Variants in GABRP observed in about 807,000 individuals in gnomAD.
The protein encoded by GABRP is gamma-aminobutyric acid receptor subunit pi.
Under a neutral mutation model 47.8 loss-of-function variants are expected in GABRP, and 52 were observed. The observed-to-expected ratio is 1.09, with a 90% CI of 0.87 to 1.37. The LOEUF is 1.37. GABRP is among the 40% of genes most tolerant of loss of function. GABRP has a pLI of 0.00. For synonymous variants in GABRP, 221 were observed against 205.8 expected, an observed-to-expected ratio of 1.07 and a Z score of -0.63; for missense variants, 525 against 542.8, an observed-to-expected ratio of 0.97 and a Z score of 0.33.
At chr5:170,808,849 T>G (rs1765807031) in intron 8 of GABRP, 97 bp downstream of exon 8, 7 of 1,015,144 alleles carry the variant, frequency 6.9e-6, no homozygotes, top group Non-Finnish European at 1.0e-5. Flanking sequence ...CCTAAGGCAG[T>G]TCCAAGAGTT....
rs1022539177 is a variant in GABRP at position 170,813,205 on chromosome 5, C to T, written c.*947C>T. Reference sequence around the variant, plus strand: ...AAAGTACTGGGTTGACTCAGAGAGTCGCTGTCATTCTGTCATTGCTGCTAC... The same window carrying T: ...AAAGTACTGGGTTGACTCAGAGAGTTGCTGTCATTCTGTCATTGCTGCTAC... On this transcript the variant is annotated 3_prime_UTR_variant, in exon 10 of 10. Coordinates refer to ENST00000265294, the MANE Select transcript of GABRP (RefSeq NM_014211.3). 1 of 152,142 alleles carries T rather than the reference C, an allele frequency of 6.6e-6. No individual in the cohort carries two copies. Among genetic ancestry groups the T allele is most frequent in the Non-Finnish European group, 1.5e-5 (1 of 68,034 alleles). 9.4% of individuals were successfully genotyped at this position (152,142 alleles called of 1,614,324 possible).
In GABRP at chr5:170,795,440, G is replaced by A; in HGVS notation, c.458+15G>A. The A allele has an allele frequency of 6.2e-7, 1 of 1,605,580 alleles. No individual in the cohort carries two copies. The highest frequency in any genetic ancestry group is 8.5e-7 in the Non-Finnish European group (1 of 1,172,352). On this transcript the variant is annotated intron_variant, in intron 5 of 9. Transcript: ENST00000265294. ...TATGCCCTCAGGTACGCGGACACCT[G>A]TGACCTCAGGGGTGGAGGACGGCAG...
At chr5:170,786,123 T>G (rs1312969149) in intron 1 of GABRP, among the ~76,000 whole-genome samples, 2 of 152,168 alleles carry the variant, frequency 1.3e-5, no homozygotes, top group African/African-American at 4.8e-5. Flanking sequence ...GTGGTGCTTT[T>G]CACATGCCTG....
intron 9 of GABRP, among the ~76,000 whole-genome samples, chr5:170,810,907 A>T (rs75711338): frequency 1.8e-3 from 269 of 152,058 alleles, no homozygotes; most frequent in African/African-American, 6.4e-3. Flanking sequence ...CTTATGAGGG[A>T]GGAAGGAAGT....
At chr5:170,784,555 G>A (rs1016332468) in intron 1 of GABRP, among the ~76,000 whole-genome samples, 3 of 152,102 alleles carry the variant, frequency 2.0e-5, no homozygotes, top group African/African-American at 7.2e-5. Flanking sequence ...TTAATGCCCT[G>A]TGCCTGACCC....
chr5:170,805,845 A>G lies in GABRP; in HGVS notation c.671A>G (p.Gln224Arg), dbSNP rs758547993. Reference sequence around the variant, plus strand: ...TTCACCTTAGTCACCAGATCGCAGCAGGAGACAGGTAACTCATGTGACAAA... The same window carrying G: ...TTCACCTTAGTCACCAGATCGCAGCGGGAGACAGGTAACTCATGTGACAAA... ...RYFTLVTRSQ[Q>R]ETGNYTRLVL... The change falls in exon 7 of 10, where the codon CAG becomes CGG. Residue 224 changes from glutamine (Q) to arginine (R), a missense_variant. Gln to Arg is a conservative substitution (Grantham distance 43, BLOSUM62 1). Coordinates refer to ENST00000265294, the MANE Select transcript of GABRP (RefSeq NM_014211.3). 1 of 1,614,038 alleles carries G rather than the reference A, an allele frequency of 6.2e-7. No individual in the cohort carries two copies. Among genetic ancestry groups the G allele is most frequent in the South Asian group, 1.1e-5 (1 of 91,042 alleles).
In GABRP at chr5:170,808,674, C is replaced by G. The variant is rs757811233; in HGVS notation, c.754C>G (p.Pro252Ala). ...GTATTTCATTTTGGAAACCTACGTTCCTTCCACTTTCCTGGTGGTGTTGTC... is the reference window on the plus strand; with the variant it reads ...GTATTTCATTTTGGAAACCTACGTTGCTTCCACTTTCCTGGTGGTGTTGTC... ...VLYFILETYV[P>A]STFLVVLSWV... The change falls in exon 8 of 10, where the codon CCT becomes GCT. Residue 252 changes from proline (P) to alanine (A), a missense_variant. Coordinates refer to ENST00000265294, the MANE Select transcript of GABRP (RefSeq NM_014211.3). 2 of 1,613,866 alleles carry G rather than the reference C, an allele frequency of 1.2e-6. No homozygotes were observed. The highest frequency in any genetic ancestry group is 1.7e-5 in the Admixed American group (1 of 60,008).
In GABRP at chr5:170,794,286, A is replaced by G. The variant is rs748516668; in HGVS notation, c.228A>G (p.Ser76=). 2.5e-5 allele frequency: 40 copies of G among 1,609,562 alleles called. No individual in the cohort carries two copies. Among genetic ancestry groups the G allele is most frequent in the African/African-American group, 4.0e-5 (3 of 74,518 alleles). ...ACATTGCAAGTATCTCTAGCATTTC[A>G]GAGAGTAACATGGTAAGCGCTGTTC... ...TLDIASISSI[S]ESNMDYTATI... Residue 76 remains serine (S), a synonymous_variant, in exon 4 of 10, where the codon TCA becomes TCG. Transcript: ENST00000265294.
upstream of GABRP, among the ~76,000 whole-genome samples, chr5:170,783,096 G>C (rs1472247335): frequency 6.6e-6 from 1 of 152,142 alleles, no homozygotes; most frequent in Non-Finnish European, 1.5e-5. Context: ...AGCAGGATGG[G>C]GGAAGGTGGA....
Position 170,790,103 on chromosome 5 carries a change from C to G in GABRP, c.172+856C>G, listed in dbSNP as rs112112125. 2.2e-3 allele frequency among the ~76,000 whole-genome samples: 339 copies of G among 152,254 alleles called. 1 individual carries two copies. Among genetic ancestry groups the G allele is most frequent in the African/African-American group, 7.4e-3 (308 of 41,530 alleles). ...AGTCTGACTTCATTTCCCTCACTAT[C>G]CCCCATAGAAGCTCAGTGCGTGACA... On this transcript the variant is annotated intron_variant, in intron 3 of 9. Transcript: ENST00000265294.
Position 170,812,161 on chromosome 5 carries a change from A to G in GABRP, c.1226A>G (p.Gln409Arg). ...AGGATTGTTGATTATTTCACAATTC[A>G]AAACCCCAGTAATGTTGATCACTAT... ...MGRIVDYFTI[Q>R]NPSNVDHYSK... The change falls in exon 10 of 10, where the codon CAA becomes CGA. Residue 409 changes from glutamine to arginine, a missense_variant. Coordinates refer to ENST00000265294, the MANE Select transcript of GABRP (RefSeq NM_014211.3). The G allele has an allele frequency of 1.9e-6, 3 of 1,614,070 alleles. No homozygotes were observed. The highest frequency in any genetic ancestry group is 1.7e-6 in the Non-Finnish European group (2 of 1,179,976).
At position 170,795,352 on chromosome 5, in the gene GABRP, T is replaced by C; in HGVS notation, c.385T>C (p.Phe129Leu). 1 of 1,614,090 alleles carries C rather than the reference T, an allele frequency of 6.2e-7. No individual in the cohort carries two copies. The highest frequency in any genetic ancestry group is 8.5e-7 in the Non-Finnish European group (1 of 1,180,012). The change falls in exon 5 of 10, where the codon TTC becomes CTC. Residue 129 changes from phenylalanine (F) to leucine (L), a missense_variant. Coordinates refer to ENST00000265294, the MANE Select transcript of GABRP (RefSeq NM_014211.3). ...TTACATTGTGGAGTCCAAGAAGTCC[T>C]TCCTCCATGAAGTCACTGTGGGAAA... ...DTYIVESKKS[F>L]LHEVTVGNRL...
At chr5:170,809,920 C>G (rs1170627612) in intron 9 of GABRP, 165 bp downstream of exon 9, 1 of 721,302 alleles carries the variant, frequency 1.4e-6, no homozygotes, top group Non-Finnish European at 2.5e-6. Context: ...GTCATGGTGC[C>G]CCTTGAAAAA....
intron 6 of GABRP, among the ~76,000 whole-genome samples, chr5:170,801,855 T>TG (rs11286876): frequency 0.01 from 1,435 of 142,200 alleles, 13 homozygotes; most frequent in East Asian, 0.02. Context: ...TGAAAAGTAA[T>TG]GGGGGGGGGG....
rs190950426 is a variant in GABRP, at chr5:170,805,770, T to C, written c.596T>C (p.Val199Ala). ...EFTWLRGNDS[V>A]RGLEHLRLAQ... ...ACCTGGCTGAGAGGGAACGACTCTG[T>C]GCGTGGACTGGAACACCTGCGGCTT... Residue 199 changes from valine (V) to alanine (A), a missense_variant, in exon 7 of 10, where the codon GTG (valine) becomes GCG (alanine). Physicochemically the swap from Val to Ala is moderately conservative, Grantham distance 64 (BLOSUM62 0). Coordinates refer to ENST00000265294, the MANE Select transcript of GABRP (RefSeq NM_014211.3). 3.7e-6 allele frequency: 6 copies of C among 1,614,186 alleles called. No individual in the cohort carries two copies. In the Admixed American group the frequency reaches 8.3e-5, roughly 22 times the overall value.
rs139832992 is a variant in GABRP, at chr5:170,789,166, G to C, written c.91G>C (p.Gly31Arg). Residue 31 changes from glycine (G) to arginine (R), a missense_variant, in exon 3 of 10, where the codon GGC becomes CGC. Coordinates refer to ENST00000265294, the MANE Select transcript of GABRP (RefSeq NM_014211.3). ...GGGGAGTCAGTTCAACGTCGAGGTCGGCAGAAGTGACAAGCTTTCCCTGCC... is the reference window on the plus strand; with the variant it reads ...GGGGAGTCAGTTCAACGTCGAGGTCCGCAGAAGTGACAAGCTTTCCCTGCC... ...IQGSQFNVEV[G>R]RSDKLSLPGF... 1 of 1,614,086 alleles carries C rather than the reference G, an allele frequency of 6.2e-7. No homozygotes were observed. The highest frequency in any genetic ancestry group is 2.2e-5 in the East Asian group (1 of 44,876).
At chr5:170,804,703 T>G (rs1327002340) in intron 6 of GABRP, among the ~76,000 whole-genome samples, 1 of 152,120 alleles carries the variant, frequency 6.6e-6, no homozygotes, top group Non-Finnish European at 1.5e-5. Context: ...GTAAAGCACT[T>G]GGAAATGCAA....
At position 170,786,489 on chromosome 5, in the gene GABRP, T is replaced by C. The variant is rs149450977; in HGVS notation, c.-42-2085T>C. 3.6e-3 allele frequency among the ~76,000 whole-genome samples: 548 copies of C among 152,308 alleles called. 2 individuals are homozygous for C. Among genetic ancestry groups the C allele is most frequent in the African/African-American group, 0.013 (527 of 41,554 alleles). ...TAGAAATGTTGGTACATTCAGACCA[T>C]GAGACACCTTGCAGCCATTAGAGAG... On this transcript the variant is annotated intron_variant, in intron 1 of 9. Coordinates refer to ENST00000265294, the MANE Select transcript of GABRP (RefSeq NM_014211.3).
At chr5:170,807,882 T>C (rs1261264179) in intron 7 of GABRP, among the ~76,000 whole-genome samples, 1 of 152,166 alleles carries the variant, frequency 6.6e-6, no homozygotes, top group Non-Finnish European at 1.5e-5. Context: ...TAAGCCAGAC[T>C]TTTCCTGTTC....
Sources: allele counts gnomAD v4.1 joint callset (sites outside exome capture counted in the v4.1 genomes callset), GRCh38; gene constraint gnomAD v4.1.1; transcripts MANE v1.5; gene names NCBI Gene and HGNC (gene_info 2026-07-23, HGNC 2026-07-21).